Variants in PLXDC2 observed in about 807,000 individuals in gnomAD.
The protein encoded by PLXDC2 is plexin domain containing 2, also known as plexin domain-containing protein 2.
Under a neutral mutation model 68.9 loss-of-function variants are expected in PLXDC2, and 40 were observed. The ratio of observed to expected loss-of-function variants is 0.58; its 90% CI spans 0.45 to 0.76. The LOEUF is 0.76. PLXDC2 is among the 30% of genes least tolerant of loss of function. The pLI is 0.00. For synonymous variants in PLXDC2, 243 were observed against 234.2 expected, an observed-to-expected ratio of 1.04 and a Z score of -0.34; for missense variants, 644 against 661.9, an observed-to-expected ratio of 0.97 and a Z score of 0.30.
In PLXDC2 at chr10:20,277,637, T is replaced by C. The variant is rs77954353; in HGVS notation, c.1474-2066T>C. 4.9e-3 allele frequency among the ~76,000 whole-genome samples: 741 copies of C among 152,310 alleles called. 8 individuals are homozygous for C. Among genetic ancestry groups the C allele is most frequent in the African/African-American group, 0.017 (699 of 41,566 alleles). On this transcript the variant is annotated intron_variant, in intron 13 of 13. Coordinates refer to ENST00000377252, the MANE Select transcript of PLXDC2 (RefSeq NM_032812.9). ...TTCTAAAAAGAAAGGAGAATTTTGG[T>C]GAAGTTGTTACTCTTTGCTTGGCGT...
intron 4 of PLXDC2, among the ~76,000 whole-genome samples, chr10:20,094,249 C>T (rs1833319136): frequency 6.6e-6 from 1 of 152,174 alleles, no homozygotes; most frequent in Admixed American, 6.5e-5. Flanking sequence ...TTGGGTATGG[C>T]TTAAAATATC....
intron 7 of PLXDC2, among the ~76,000 whole-genome samples, chr10:20,170,379 G>A (rs560073199): frequency 3.3e-5 from 5 of 152,150 alleles, no homozygotes; most frequent in Non-Finnish European, 5.9e-5. Flanking sequence ...TAGTAGAGAC[G>A]GGGTTTCACT....
intron 6 of PLXDC2, among the ~76,000 whole-genome samples, chr10:20,152,746 C>T (rs150567122): frequency 9.9e-5 from 15 of 152,188 alleles, no homozygotes; most frequent in Admixed American, 8.5e-4. Flanking sequence ...ACAGGTCTGT[C>T]TCTATCACCT....
At chr10:20,177,566 A>G (rs143248975) in intron 9 of PLXDC2, among the ~76,000 whole-genome samples, 157 bp downstream of exon 9, 1,817 of 152,214 alleles carry the variant, frequency 0.012, 16 homozygotes, top group Middle Eastern at 0.017. Flanking sequence ...GGAGTTCAAG[A>G]TCAGCCTGGG....
intron 13 of PLXDC2, among the ~76,000 whole-genome samples, chr10:20,263,932 A>G (rs1405307893): frequency 6.6e-6 from 1 of 152,212 alleles, no homozygotes; most frequent in Non-Finnish European, 1.5e-5. Flanking sequence ...CAGAACTACC[A>G]TATGACCCAG....
intron 1 of PLXDC2, among the ~76,000 whole-genome samples, chr10:19,971,462 G>C (rs1341761765): frequency 1.3e-5 from 2 of 152,152 alleles, no homozygotes; most frequent in Admixed American, 1.3e-4. Flanking sequence ...CCGGAAATCA[G>C]AGGTAAGAAT....
chr10:19,969,784 A>G (rs187240860), intron 1 of PLXDC2, among the ~76,000 whole-genome samples: 105 of 152,368 alleles, frequency 6.9e-4, no homozygotes, highest in African/African-American at 2.3e-3. Flanking sequence ...TTCTGCATCT[A>G]TAACAATTGA....
chr10:20,246,573 C>G (rs1190968049), intron 13 of PLXDC2, among the ~76,000 whole-genome samples: 3 of 152,200 alleles, frequency 2.0e-5, no homozygotes, highest in Non-Finnish European at 2.9e-5. Context: ...TGGTCTCAAA[C>G]TCCTGACCAC....
intron 1 of PLXDC2, among the ~76,000 whole-genome samples, chr10:19,939,725 C>G (rs542987154): frequency 2.6e-5 from 4 of 152,190 alleles, no homozygotes; most frequent in African/African-American, 9.6e-5. Flanking sequence ...AAAGAACTTC[C>G]TTCATATAAT....
intron 4 of PLXDC2, among the ~76,000 whole-genome samples, chr10:20,105,254 T>A (rs1833476962): frequency 6.6e-6 from 1 of 152,144 alleles, no homozygotes; most frequent in Non-Finnish European, 1.5e-5. Flanking sequence ...CAGAAACGTT[T>A]TACATGTACC....
intron 1 of PLXDC2, among the ~76,000 whole-genome samples, chr10:19,853,535 T>C (rs1837158891): frequency 6.6e-6 from 1 of 152,026 alleles, no homozygotes; most frequent in South Asian, 2.1e-4. Flanking sequence ...GGATTACAAG[T>C]GTGGGGCACC....
intron 13 of PLXDC2, among the ~76,000 whole-genome samples, chr10:20,270,417 G>A (rs1342222544): frequency 9.2e-5 from 14 of 152,258 alleles, no homozygotes; most frequent in Admixed American, 5.9e-4. Flanking sequence ...ATTTCTGAAC[G>A]TTTCCTATAT....
chr10:19,859,698 T>A (rs1347542929), intron 1 of PLXDC2, among the ~76,000 whole-genome samples: 1 of 152,152 alleles, frequency 6.6e-6, no homozygotes, highest in Non-Finnish European at 1.5e-5. Flanking sequence ...TTTTAACTTT[T>A]TAAGATTCAG....
chr10:19,944,077 G>T (rs1307229561), intron 1 of PLXDC2, among the ~76,000 whole-genome samples: 1 of 152,166 alleles, frequency 6.6e-6, no homozygotes, highest in Non-Finnish European at 1.5e-5. Context: ...AAGAATTTTA[G>T]ATTATAACTG....
chr10:20,251,289 G>A (rs896593069), intron 13 of PLXDC2, among the ~76,000 whole-genome samples: 6 of 152,096 alleles, frequency 3.9e-5, no homozygotes, highest in African/African-American at 1.2e-4. Flanking sequence ...TGATTTTGGT[G>A]AAAATCTATC....
At chr10:20,230,350 G>A (rs958601571) in intron 12 of PLXDC2, among the ~76,000 whole-genome samples, 31 of 151,940 alleles carry the variant, frequency 2.0e-4, no homozygotes, top group African/African-American at 6.5e-4. Flanking sequence ...TAAAGACAAG[G>A]AGAATTAACA....
At chr10:19,852,993 A>G (rs1837150114) in intron 1 of PLXDC2, among the ~76,000 whole-genome samples, 1 of 152,322 alleles carries the variant, frequency 6.6e-6, no homozygotes, top group South Asian at 2.1e-4. Flanking sequence ...TGCAGACACA[A>G]ACTAATCAAG....
chr10:20,063,909 C>T (rs1369012159), intron 3 of PLXDC2, among the ~76,000 whole-genome samples: 1 of 152,126 alleles, frequency 6.6e-6, no homozygotes, highest in South Asian at 2.1e-4. Flanking sequence ...AGACGTAATA[C>T]TTTTTTTGTT....
intron 1 of PLXDC2, among the ~76,000 whole-genome samples, chr10:19,976,122 A>C (rs193198945): frequency 1.1e-4 from 17 of 152,328 alleles, no homozygotes; most frequent in Non-Finnish European, 2.2e-4. Flanking sequence ...TCGTTTCTCC[A>C]CACAATTTTG....
Sources: gnomAD v4.1 joint callset for allele counts (sites outside exome capture counted in the v4.1 genomes callset) on GRCh38, gnomAD v4.1.1 for gene constraint, MANE v1.5 for transcripts, NCBI Gene and HGNC (gene_info 2026-07-23, HGNC 2026-07-21) for gene names.